Variants in RIOK1 observed in about 807,000 individuals in gnomAD.
RIOK1 encodes the protein serine/threonine-protein kinase RIO1.
RIOK1 carries 66 observed loss-of-function variants against 73.5 expected under a neutral mutation model. The ratio of observed to expected loss-of-function variants is 0.90; its 90% CI spans 0.74 to 1.10. The LOEUF is 1.10. Ranked by LOEUF, RIOK1 falls within the 50% of genes least tolerant of loss-of-function variation. The pLI is 0.00. For synonymous variants in RIOK1, 224 were observed against 226.8 expected, an observed-to-expected ratio of 0.99 and a Z score of 0.11; for missense variants, 658 against 699.8, an observed-to-expected ratio of 0.94 and a Z score of 0.67.
intron 16 of RIOK1, among the ~76,000 whole-genome samples, chr6:7,416,657 AAAAG>A (rs1410695488): frequency 2.0e-5 from 3 of 151,684 alleles, no homozygotes; most frequent in African/African-American, 7.3e-5. Context: ...AAAAAAAAAA[AAAAG>A]AGGAAGCTCA....
chr6:7,401,363 GTCTT>G (rs1761607427), intron 6 of RIOK1, among the ~76,000 whole-genome samples: 1 of 152,088 alleles, frequency 6.6e-6, no homozygotes, highest in Non-Finnish European at 1.5e-5. Context: ...GAGTCAGCAA[GTCTT>G]TCTTATTTTT....
chr6:7,394,771 A>C (rs1761430510), intron 2 of RIOK1, among the ~76,000 whole-genome samples: 1 of 152,218 alleles, frequency 6.6e-6, no homozygotes, highest in Non-Finnish European at 1.5e-5. Flanking sequence ...CAGTCAAATT[A>C]GAAAACTACA....
chr6:7,411,085 T>G (rs759947672), intron 13 of RIOK1, among the ~76,000 whole-genome samples: 3 of 152,210 alleles, frequency 2.0e-5, no homozygotes, highest in Non-Finnish European at 4.4e-5. Flanking sequence ...TTGAATCAGC[T>G]CTAATGTTTT....
In RIOK1 at chr6:7,393,142, C is replaced by G; in HGVS notation, c.115C>G (p.Leu39Val). The change falls in exon 2 of 17, where the codon CTG (leucine) becomes GTG (valine). Residue 39 changes from leucine to valine, a missense_variant. Transcript: ENST00000379834. Reference protein sequence around the residue: ...LKTVKEKDDILFEDLQDNVNE... With the variant: ...LKTVKEKDDIVFEDLQDNVNE... Reference sequence around the variant, plus strand: ...GACAGTCAAAGAGAAGGATGACATTCTGTTTGAAGACCTTCAAGACAATGT... The same window carrying G: ...GACAGTCAAAGAGAAGGATGACATTGTGTTTGAAGACCTTCAAGACAATGT... The G allele has an allele frequency of 1.9e-6, 3 of 1,613,856 alleles. No individual in the cohort carries two copies. The highest frequency in any genetic ancestry group is 2.5e-6 in the Non-Finnish European group (3 of 1,179,834).
At chr6:7,410,183 G>A (rs891918362) in intron 12 of RIOK1, among the ~76,000 whole-genome samples, 4 of 152,124 alleles carry the variant, frequency 2.6e-5, no homozygotes, top group African/African-American at 7.2e-5. Flanking sequence ...TTGATTTATT[G>A]TTACTTTTGG....
At chr6:7,414,439 G>A (rs373451255) in intron 16 of RIOK1, 49 bp downstream of exon 16, 106 of 1,486,438 alleles carry the variant, frequency 7.1e-5, no homozygotes, top group African/African-American at 3.8e-4. Context: ...GAGCACAGCC[G>A]CTCTTATTTC....
intron 12 of RIOK1, 137 bp from the exon 13 acceptor site, chr6:7,410,249 G>C (rs879652470): frequency 5.3e-5 from 34 of 638,182 alleles, no homozygotes; most frequent in Non-Finnish European, 7.9e-5. Context: ...TGTACCATTA[G>C]ACCTCACTAA....
At chr6:7,414,948 C>T (rs1761962941) in intron 16 of RIOK1, among the ~76,000 whole-genome samples, 1 of 152,238 alleles carries the variant, frequency 6.6e-6, no homozygotes, top group Non-Finnish European at 1.5e-5. Flanking sequence ...AGCGTCTTCA[C>T]ACTGTCGACA....
intron 8 of RIOK1, 56 bp from the exon 9 acceptor site, chr6:7,403,881 AATTT>A (rs1211473255): frequency 8.6e-7 from 1 of 1,156,702 alleles, no homozygotes. Flanking sequence ...CTGCAGTTGT[AATTT>A]ATTTAGATGC....
intron 15 of RIOK1, 95 bp from the exon 16 acceptor site, chr6:7,414,143 C>A: frequency 8.5e-7 from 1 of 1,177,016 alleles, no homozygotes; most frequent in South Asian, 1.6e-5. Context: ...ATTTGCGAGC[C>A]TAAAATCTGA....
chr6:7,416,664 G>A (rs1762011995), intron 16 of RIOK1, among the ~76,000 whole-genome samples: 1 of 141,838 alleles, frequency 7.1e-6, no homozygotes, highest in Non-Finnish European at 1.6e-5. Flanking sequence ...AAAAAAAGAG[G>A]AAGCTCAAGG....
intron 13 of RIOK1, 89 bp from the exon 14 acceptor site, chr6:7,411,243 A>G (rs777839348): frequency 7.2e-7 from 1 of 1,391,580 alleles, no homozygotes; most frequent in Non-Finnish European, 1.0e-6. Context: ...GAATATATAG[A>G]TTCCCCTGTA....
At chr6:7,409,489 T>C (rs2113524538) in intron 12 of RIOK1, among the ~76,000 whole-genome samples, 1 of 151,902 alleles carries the variant, frequency 6.6e-6, no homozygotes, top group East Asian at 2.0e-4. Flanking sequence ...CCTGATCTCA[T>C]GATCCAGCCG....
chr6:7,401,340 G>A (rs1761606694), intron 6 of RIOK1, among the ~76,000 whole-genome samples: 1 of 152,108 alleles, frequency 6.6e-6, no homozygotes, highest in African/African-American at 2.4e-5. Flanking sequence ...GGGGTTTATG[G>A]TTATGTTTCT....
chr6:7,394,307 G>A (rs1761417201), intron 2 of RIOK1, among the ~76,000 whole-genome samples: 1 of 152,180 alleles, frequency 6.6e-6, no homozygotes, highest in Non-Finnish European at 1.5e-5. Flanking sequence ...GGTGGTGGGT[G>A]CCTGTAATCC....
rs1761704985 is a variant in RIOK1, at chr6:7,404,847, T to C, written c.993-71T>C. ...GAGCTACTTCCCTTGCTTTTAAGAGTAGAATTTATTTTAAACGAAAAACAT... is the reference window on the plus strand; with the variant it reads ...GAGCTACTTCCCTTGCTTTTAAGAGCAGAATTTATTTTAAACGAAAAACAT... On this transcript the variant is annotated intron_variant, in intron 10 of 16. Coordinates refer to ENST00000379834, the MANE Select transcript of RIOK1 (RefSeq NM_031480.3). 5 of 1,294,000 alleles carry C rather than the reference T, an allele frequency of 3.9e-6. No homozygotes were observed. The East Asian group carries it at 1.2e-4, about 31-fold the overall frequency. The allele number at this position is 1,294,000 out of a possible 1,614,324, so 80.2% of individuals were successfully genotyped here.
intron 4 of RIOK1, 120 bp downstream of exon 4, chr6:7,396,892 G>GGGGTGTGT (rs1554141229): frequency 2.4e-5 from 10 of 416,560 alleles, no homozygotes; most frequent in Middle Eastern, 6.2e-4. Context: ...TCATTATTTT[G>GGGGTGTGT]GTGTGTGTGT....
intron 3 of RIOK1, among the ~76,000 whole-genome samples, chr6:7,396,103 G>C (rs1328813955): frequency 2.6e-5 from 4 of 152,128 alleles, no homozygotes; most frequent in African/African-American, 9.7e-5. Flanking sequence ...GAGGTTTTTT[G>C]TGTAGGTGTT....
intron 16 of RIOK1, among the ~76,000 whole-genome samples, chr6:7,414,639 T>C (rs565242965): frequency 6.6e-6 from 1 of 152,158 alleles, no homozygotes; most frequent in Non-Finnish European, 1.5e-5. Flanking sequence ...ACATTTCACA[T>C]GAAGTACAAG....
Sources: gnomAD v4.1 joint callset for allele counts (sites outside exome capture counted in the v4.1 genomes callset) on GRCh38, gnomAD v4.1.1 for gene constraint, MANE v1.5 for transcripts, NCBI Gene and HGNC (gene_info 2026-07-23, HGNC 2026-07-21) for gene names.